The following DIP2B variants were observed in gnomAD, a reference collection of about 807,000 sequenced individuals.
The protein encoded by DIP2B is DIP2 acetate--CoA ligase B (putative), also known as disco-interacting protein 2 homolog B.
A neutral mutation model predicts 198.0 loss-of-function variants in DIP2B; 76 were observed. The ratio of observed to expected loss-of-function variants is 0.38; its 90% CI spans 0.32 to 0.46. DIP2B has a LOEUF of 0.46. DIP2B is among the 20% of genes least tolerant of loss of function. DIP2B has a pLI of 0.99. For synonymous variants in DIP2B, 701 were observed against 739.1 expected, an observed-to-expected ratio of 0.95 and a Z score of 0.84; for missense variants, 1,559 against 1,978.4, an observed-to-expected ratio of 0.79 and a Z score of 4.02.
chr12:50,739,336 A>G (rs773286391), intron 35 of DIP2B, 73 bp from the exon 36 acceptor site: 120 of 1,516,838 alleles, frequency 7.9e-5, no homozygotes, highest in Non-Finnish European at 9.6e-5. Context: ...AAAAAATCAA[A>G]ATAACCTGAT....
chr12:50,522,486 C>G (rs370020305), intron 1 of DIP2B, among the ~76,000 whole-genome samples: 1 of 152,130 alleles, frequency 6.6e-6, no homozygotes, highest in Non-Finnish European at 1.5e-5. Flanking sequence ...CTCACTTAGA[C>G]TGGGACAATT....
intron 4 of DIP2B, among the ~76,000 whole-genome samples, chr12:50,663,314 T>C (rs11609506): frequency 0.27 from 36,818 of 135,422 alleles, 5,510 homozygotes; most frequent in Non-Finnish European, 0.35. Context: ...GTCCCAACAC[T>C]TTGGGAGGCC....
chr12:50,729,475 T>G (rs1939997784), intron 30 of DIP2B, among the ~76,000 whole-genome samples: 1 of 152,170 alleles, frequency 6.6e-6, no homozygotes, highest in Non-Finnish European at 1.5e-5. Flanking sequence ...ACCACCAGTA[T>G]TTTTAAATAC....
At chr12:50,623,007 C>A (rs1262589443) in intron 1 of DIP2B, among the ~76,000 whole-genome samples, 1 of 151,760 alleles carries the variant, frequency 6.6e-6, no homozygotes, top group Non-Finnish European at 1.5e-5. Context: ...CAAATATACA[C>A]CTATGGACCG....
intron 2 of DIP2B, among the ~76,000 whole-genome samples, chr12:50,632,845 T>C (rs188099845): frequency 7.9e-5 from 12 of 152,288 alleles, no homozygotes; most frequent in Admixed American, 7.2e-4. Flanking sequence ...TAATCACTGG[T>C]ATCTTTTTAA....
At chr12:50,562,925 G>A (rs1233386746) in intron 1 of DIP2B, among the ~76,000 whole-genome samples, 1 of 151,996 alleles carries the variant, frequency 6.6e-6, no homozygotes, top group African/African-American at 2.4e-5. Context: ...TAACTCTTAC[G>A]TACCACTAAA....
intron 1 of DIP2B, among the ~76,000 whole-genome samples, chr12:50,529,085 G>A (rs1208071751): frequency 6.6e-6 from 1 of 152,168 alleles, no homozygotes; most frequent in South Asian, 2.1e-4. Flanking sequence ...GGACATGGCA[G>A]TACTTTCTTA....
intron 1 of DIP2B, among the ~76,000 whole-genome samples, chr12:50,532,690 G>C (rs567045919): frequency 3.9e-5 from 6 of 152,278 alleles, no homozygotes; most frequent in African/African-American, 1.4e-4. Context: ...AGATGAGTAA[G>C]AGTAGGTGAG....
intron 17 of DIP2B, 110 bp downstream of exon 17, chr12:50,697,285 C>T: frequency 2.1e-6 from 2 of 931,454 alleles, no homozygotes; most frequent in Non-Finnish European, 3.1e-6. Flanking sequence ...TAAGCAGTTT[C>T]AAGCATCTCA....
At chr12:50,590,270 A>T (rs1160124319) in intron 1 of DIP2B, among the ~76,000 whole-genome samples, 1 of 151,736 alleles carries the variant, frequency 6.6e-6, no homozygotes, top group Non-Finnish European at 1.5e-5. Flanking sequence ...AAATTCTGGG[A>T]TTACACTTGT....
chr12:50,655,663 T>C (rs1938541903), intron 3 of DIP2B, among the ~76,000 whole-genome samples: 1 of 152,230 alleles, frequency 6.6e-6, no homozygotes, highest in African/African-American at 2.4e-5. Flanking sequence ...AGTTAGAAGA[T>C]TTATTTTTCA....
chr12:50,608,530 G>A (rs1330928241), intron 1 of DIP2B, among the ~76,000 whole-genome samples: 1 of 151,676 alleles, frequency 6.6e-6, no homozygotes, highest in Admixed American at 6.6e-5. Flanking sequence ...GGAGGCTGAG[G>A]CAGGAGAATT....
chr12:50,708,406 G>A, intron 21 of DIP2B, 42 bp from the exon 22 acceptor site: 2 of 1,525,672 alleles, frequency 1.3e-6, no homozygotes, highest in Non-Finnish European at 1.8e-6. Context: ...AATAGGACTG[G>A]TTGTGAAGGG....
intron 27 of DIP2B, among the ~76,000 whole-genome samples, chr12:50,724,499 C>G (rs1053385031): frequency 2.0e-5 from 3 of 152,170 alleles, no homozygotes; most frequent in East Asian, 3.8e-4. Context: ...ATTGTGGGAT[C>G]TATACTGAGA....
intron 1 of DIP2B, among the ~76,000 whole-genome samples, chr12:50,588,504 A>G (rs1014588873): frequency 1.3e-5 from 2 of 152,156 alleles, no homozygotes; most frequent in Non-Finnish European, 1.5e-5. Flanking sequence ...TCCCCTGTAC[A>G]TTTAAAAAAT....
At chr12:50,571,964 A>G (rs1025910986) in intron 1 of DIP2B, among the ~76,000 whole-genome samples, 5 of 152,238 alleles carry the variant, frequency 3.3e-5, no homozygotes, top group African/African-American at 9.6e-5. Flanking sequence ...TAGTTTAACT[A>G]TTCCTTTAGG....
intron 1 of DIP2B, among the ~76,000 whole-genome samples, chr12:50,603,569 C>T (rs138126847): frequency 3.3e-5 from 5 of 152,018 alleles, no homozygotes; most frequent in Admixed American, 6.6e-5. Context: ...TGAAATCCTA[C>T]GTCTCCAAAA....
At chr12:50,565,076 T>G (rs1483000318) in intron 1 of DIP2B, among the ~76,000 whole-genome samples, 7 of 152,148 alleles carry the variant, frequency 4.6e-5, no homozygotes, top group Non-Finnish European at 8.8e-5. Context: ...CACTCACAGC[T>G]CACTATAGCC....
chr12:50,538,734 A>C (rs1958292561), intron 1 of DIP2B, among the ~76,000 whole-genome samples: 1 of 152,202 alleles, frequency 6.6e-6, no homozygotes. Context: ...AATTAAGCCT[A>C]AACATATTCC....
Sources: allele counts gnomAD v4.1 joint callset (sites outside exome capture counted in the v4.1 genomes callset), GRCh38; gene constraint gnomAD v4.1.1; transcripts MANE v1.5; gene names NCBI Gene and HGNC (gene_info 2026-07-23, HGNC 2026-07-21).